Variants in SYNPO2 observed in about 807,000 individuals in gnomAD.
SYNPO2 encodes the protein synaptopodin-2.
SYNPO2 carries 56 observed loss-of-function variants against 85.0 expected under a neutral mutation model. The observed-to-expected ratio is 0.66, with a 90% CI of 0.53 to 0.82. SYNPO2 has a LOEUF of 0.82. SYNPO2 is among the 40% of genes least tolerant of loss of function. The pLI is 0.00. For synonymous variants in SYNPO2, 602 were observed against 591.1 expected (o/e 1.02, Z -0.27); for missense variants, 1,575 against 1,534.2 (o/e 1.03, Z -0.44).
chr4:119,010,439 T>G (rs547565733), intron 1 of SYNPO2, among the ~76,000 whole-genome samples: 18 of 152,276 alleles, frequency 1.2e-4, no homozygotes, highest in African/African-American at 4.1e-4. Context: ...ACAGTGAGAC[T>G]TATTCACTAC....
intron 1 of SYNPO2, among the ~76,000 whole-genome samples, chr4:118,991,698 GCA>G (rs1411067083): frequency 6.6e-6 from 1 of 152,134 alleles, no homozygotes; most frequent in East Asian, 1.9e-4. Flanking sequence ...GGTGCTTGGG[GCA>G]GAGCCAAGTA....
At chr4:119,006,985 GT>G (rs946121892) in intron 1 of SYNPO2, among the ~76,000 whole-genome samples, 9 of 151,214 alleles carry the variant, frequency 6.0e-5, no homozygotes, top group African/African-American at 1.9e-4. Flanking sequence ...TTTTACGGTT[GT>G]TTTCATTACA....
At position 119,031,999 on chromosome 4, in the gene SYNPO2, C is replaced by G. The variant is rs758183161; in HGVS notation, c.3224C>G (p.Ser1075Ter). 19 of 1,614,202 alleles carry G rather than the reference C, an allele frequency of 1.2e-5. No individual in the cohort carries two copies. The highest frequency in any genetic ancestry group is 1.4e-5 in the Non-Finnish European group (16 of 1,180,030). Reference protein sequence around the residue: ...SYFVAPRPKFSAKKSGVTIQE... With the variant: ...SYFVAPRPKF ...TTTGTGGCACCAAGGCCAAAGTTCT[C>G]AGCCAAGAAAAGTGGTGTCACAATT... is the stretch of plus-strand genomic sequence containing the variant. Residue 1075 changes from serine to a stop codon, truncating the protein, a stop_gained, in exon 4 of 5, where the codon TCA (serine) becomes TGA (stop). Coordinates refer to ENST00000307142, the MANE Select transcript of SYNPO2 (RefSeq NM_133477.3). LOFTEE classifies it low-confidence loss of function (END_TRUNC).
Position 119,038,317 on chromosome 4 carries a change from G to A in SYNPO2, c.3252+6290G>A, listed in dbSNP as rs553959762. On this transcript the variant is annotated intron_variant, in intron 4 of 4. Coordinates refer to ENST00000307142, the MANE Select transcript of SYNPO2 (RefSeq NM_133477.3). ...GGCTCAGAAAATCAGATGCTATGAC[G>A]CATGTTGAAAGTGAAAACCCATCTC... 5 of 985,062 alleles carry A rather than the reference G, an allele frequency of 5.1e-6. No individual in the cohort carries two copies. In the African/African-American group the frequency reaches 5.2e-5, roughly 10 times the overall value. 61.0% of individuals were successfully genotyped at this position (985,062 alleles called of 1,614,324 possible).
intron 1 of SYNPO2, among the ~76,000 whole-genome samples, chr4:118,980,871 C>A (rs1251133058): frequency 6.6e-6 from 1 of 152,186 alleles, no homozygotes; most frequent in African/African-American, 2.4e-5. Flanking sequence ...AACCCCTAAT[C>A]TGAGTTACAT....
intron 1 of SYNPO2, among the ~76,000 whole-genome samples, chr4:118,973,574 C>G (rs148400877): frequency 6.6e-6 from 1 of 152,254 alleles, no homozygotes; most frequent in East Asian, 1.9e-4. Context: ...GTACTTTCCA[C>G]TTACTTTTTA....
chr4:118,937,180 T>C (rs1191351941), intron 1 of SYNPO2, among the ~76,000 whole-genome samples: 1 of 152,196 alleles, frequency 6.6e-6, no homozygotes, highest in Admixed American at 6.5e-5. Context: ...AAATACAAAA[T>C]TCCTCATAAG....
chr4:118,922,641 C>G (rs750877286), intron 1 of SYNPO2, among the ~76,000 whole-genome samples: 19 of 151,522 alleles, frequency 1.3e-4, no homozygotes, highest in Admixed American at 1.1e-3. Flanking sequence ...GGACACATAT[C>G]ATCTTTGTTC....
intron 1 of SYNPO2, among the ~76,000 whole-genome samples, chr4:118,879,224 C>T (rs768190629): frequency 6.6e-5 from 10 of 152,198 alleles, no homozygotes; most frequent in Non-Finnish European, 1.0e-4. Context: ...GGGTCCGTGG[C>T]TTCATTGTTG....
intron 1 of SYNPO2, among the ~76,000 whole-genome samples, chr4:118,852,556 A>G (rs1731439335): frequency 6.6e-6 from 1 of 152,176 alleles, no homozygotes; most frequent in Non-Finnish European, 1.5e-5. Context: ...AAAGAACAGT[A>G]TCATGTCTTT....
intron 1 of SYNPO2, among the ~76,000 whole-genome samples, chr4:118,922,200 C>A (rs1342330289): frequency 6.6e-6 from 1 of 152,022 alleles, no homozygotes; most frequent in Non-Finnish European, 1.5e-5. Context: ...TTCCAGTGAA[C>A]CATGTGTAGA....
chr4:118,939,371 G>A (rs535945120), intron 1 of SYNPO2, among the ~76,000 whole-genome samples: 5 of 152,190 alleles, frequency 3.3e-5, no homozygotes, highest in African/African-American at 4.8e-5. Flanking sequence ...AAGTACTTGC[G>A]TGCTGTTCTG....
chr4:118,903,268 G>T lies in SYNPO2; in HGVS notation c.105+14127G>T, dbSNP rs559767324. Among the ~76,000 whole-genome samples the T allele has an allele frequency of 3.9e-5, 6 of 152,238 alleles. No individual in the cohort carries two copies. In the South Asian group the frequency reaches 1.2e-3, roughly 32 times the overall value. On this transcript the variant is annotated intron_variant, in intron 1 of 4. Transcript: ENST00000307142. ...ATGGAAATTCACTTAATCAGGCACAGTAAAACATAATATATTGTAAAATGC... is the reference window on the plus strand; with the variant it reads ...ATGGAAATTCACTTAATCAGGCACATTAAAACATAATATATTGTAAAATGC...
At chr4:118,876,864 C>A (rs1285592303) in intron 1 of SYNPO2, among the ~76,000 whole-genome samples, 1 of 151,104 alleles carries the variant, frequency 6.6e-6, no homozygotes, top group Non-Finnish European at 1.5e-5. Flanking sequence ...AATCATGATT[C>A]ACTGCAACGT....
At chr4:118,867,188 C>T (rs3885192) in intron 1 of SYNPO2, among the ~76,000 whole-genome samples, 59,242 of 151,986 alleles carry the variant, frequency 0.39, 13,884 homozygotes, top group Admixed American at 0.57. Flanking sequence ...AGTTTGCGAA[C>T]GTTTGCTCTA....
intron 1 of SYNPO2, among the ~76,000 whole-genome samples, chr4:118,986,221 A>T (rs1736213560): frequency 6.6e-6 from 1 of 152,234 alleles, no homozygotes; most frequent in South Asian, 2.1e-4. Context: ...ATCAGCCCAT[A>T]GGATGCCCTC....
chr4:118,917,179 G>T (rs942047700), intron 1 of SYNPO2, among the ~76,000 whole-genome samples: 1 of 152,150 alleles, frequency 6.6e-6, no homozygotes, highest in Non-Finnish European at 1.5e-5. Flanking sequence ...ATCGCCTGAC[G>T]TCAGGAGTTT....
chr4:119,001,531 A>G (rs1330926196), intron 1 of SYNPO2, among the ~76,000 whole-genome samples: 1 of 152,220 alleles, frequency 6.6e-6, no homozygotes, highest in African/African-American at 2.4e-5. Context: ...TTATTTGTCC[A>G]GAGTTTAAGT....
chr4:119,036,715 C>T (rs1197963978), intron 4 of SYNPO2: 2 of 985,952 alleles, frequency 2.0e-6, no homozygotes, highest in African/African-American at 3.5e-5. Flanking sequence ...TTCTTGATGT[C>T]GTCAGATGCA....
Sources: allele counts gnomAD v4.1 joint callset (sites outside exome capture counted in the v4.1 genomes callset), GRCh38; gene constraint gnomAD v4.1.1; transcripts MANE v1.5; gene names NCBI Gene and HGNC (gene_info 2026-07-23, HGNC 2026-07-21).